The following ZBTB1 variants were observed in gnomAD, a reference collection of about 807,000 sequenced individuals.
ZBTB1 encodes zinc finger and BTB domain containing 1, also known as zinc finger and BTB domain-containing protein 1.
ZBTB1 carries 13 observed loss-of-function variants against 51.6 expected under a neutral mutation model. The observed-to-expected ratio is 0.25, with a 90% CI of 0.16 to 0.40. ZBTB1 has a LOEUF of 0.40. Ranked by LOEUF, ZBTB1 falls within the 10% of genes least tolerant of loss-of-function variation. ZBTB1 has a pLI of 1.00. For synonymous variants in ZBTB1, 240 were observed against 282.2 expected, an observed-to-expected ratio of 0.85 and a Z score of 1.50; for missense variants, 567 against 856.5, an observed-to-expected ratio of 0.66 and a Z score of 4.22.
exon 3 of ZBTB1, chr14:64,532,770 G>A (rs2079951722): frequency 1.3e-5 from 2 of 151,994 alleles, no homozygotes; most frequent in Admixed American, 1.3e-4. Flanking sequence ...TCAGTAAAAT[G>A]ATGGTTAACA....
chr14:64,522,901 A>G lies in ZBTB1; in HGVS notation c.1397A>G (p.His466Arg), dbSNP rs1254349836. 1 of 1,614,168 alleles carries G rather than the reference A, an allele frequency of 6.2e-7. No individual in the cohort carries two copies. Among genetic ancestry groups the G allele is most frequent in the African/African-American group, 1.3e-5 (1 of 75,052 alleles). ...GTAAAGGGTAGGCAGCTTCAGGAACATGCTCAACGATGTGGCGAGCCCCAA... is the reference window on the plus strand; with the variant it reads ...GTAAAGGGTAGGCAGCTTCAGGAACGTGCTCAACGATGTGGCGAGCCCCAA... ...ILVKGRQLQE[H>R]AQRCGEPQDL... Residue 466 changes from histidine to arginine, a missense_variant, in exon 2 of 2, where the codon CAT (histidine) becomes CGT (arginine). Physicochemically the swap from His to Arg is conservative, Grantham distance 29. This residue lies in a region of ZBTB1 where 329 missense variants were observed against 406.3 expected (regional missense o/e 0.81). Transcript: ENST00000683701.
chr14:64,514,788 T>C (rs1239373773), intron 1 of ZBTB1, among the ~76,000 whole-genome samples: 1 of 152,176 alleles, frequency 6.6e-6, no homozygotes, highest in African/African-American at 2.4e-5. Flanking sequence ...TAGTGTTCTT[T>C]CCGGAAGACC....
In ZBTB1 at chr14:64,504,901, C is replaced by T. The variant is rs916823118; in HGVS notation, c.-64C>T. 53 of 396,048 alleles carry T rather than the reference C, an allele frequency of 1.3e-4. No individual in the cohort carries two copies. Among genetic ancestry groups the T allele is most frequent in the African/African-American group, 9.5e-4 (46 of 48,468 alleles). 24.5% of individuals were successfully genotyped at this position (396,048 alleles called of 1,614,324 possible). ...CCCGCCTTTCCCGCGGCTGATTTGC[C>T]TTAAACTCCCTAAAATCTCCGCAGC... On this transcript the variant is annotated 5_prime_UTR_variant, in exon 1 of 2. Coordinates refer to ENST00000683701, the MANE Select transcript of ZBTB1 (RefSeq NM_001123329.2).
At chr14:64,507,047 A>G (rs1175928576) in intron 1 of ZBTB1, among the ~76,000 whole-genome samples, 2 of 152,204 alleles carry the variant, frequency 1.3e-5, no homozygotes, top group Admixed American at 6.5e-5. Flanking sequence ...GTGCAGGAGA[A>G]AAGAAGTACC....
At chr14:64,503,820 C>T (rs1454973855), upstream of ZBTB1, 1 of 159,310 alleles carries the variant, frequency 6.3e-6, no homozygotes, top group Non-Finnish European at 1.3e-5. Context: ...GACCGCGTGT[C>T]TGGTAGCAGG....
chr14:64,503,745 C>A (rs1486968027), upstream of ZBTB1: 4 of 342,506 alleles, frequency 1.2e-5, no homozygotes, highest in Admixed American at 1.3e-4. Flanking sequence ...GTGGCGCCGG[C>A]TCACGCACCC....
chr14:64,517,403 G>A (rs534365084), intron 1 of ZBTB1, among the ~76,000 whole-genome samples: 2 of 152,004 alleles, frequency 1.3e-5, no homozygotes, highest in Non-Finnish European at 2.9e-5. Flanking sequence ...TTTAATATGG[G>A]TACTCATTCT....
chr14:64,528,729 C>G (rs116320637), downstream of ZBTB1, among the ~76,000 whole-genome samples: 97 of 152,322 alleles, frequency 6.4e-4, 1 homozygote, highest in African/African-American at 2.0e-3. Context: ...TTAGCACTCT[C>G]TATACTCTGC....
At chr14:64,521,159 G>T (rs1244338162) in intron 1 of ZBTB1, among the ~76,000 whole-genome samples, 1 of 152,056 alleles carries the variant, frequency 6.6e-6, no homozygotes, top group Non-Finnish European at 1.5e-5. Flanking sequence ...CACTGCACTC[G>T]GCCTCCTTCA....
At chr14:64,515,607 G>T (rs1279052649) in intron 1 of ZBTB1, among the ~76,000 whole-genome samples, 4 of 149,024 alleles carry the variant, frequency 2.7e-5, no homozygotes, top group African/African-American at 9.9e-5. Flanking sequence ...TGTAAGCTCC[G>T]CCTCCCGAGT....
At chr14:64,507,685 G>A (rs1261608184) in intron 1 of ZBTB1, among the ~76,000 whole-genome samples, 1 of 152,084 alleles carries the variant, frequency 6.6e-6, no homozygotes, top group Non-Finnish European at 1.5e-5. Flanking sequence ...TTGATTAACT[G>A]GGCTGCTATT....
At chr14:64,510,127 C>T (rs1332095377) in intron 1 of ZBTB1, among the ~76,000 whole-genome samples, 2 of 152,146 alleles carry the variant, frequency 1.3e-5, no homozygotes, top group African/African-American at 2.4e-5. Context: ...CCAAAGTCCT[C>T]GCCTTAAAGT....
rs71123855 is a variant in ZBTB1 at position 64,518,904 on chromosome 14, G to GTATATATATATATATATATATATA, written c.-18-2574_-18-2551dup. ...AATGAAGAAAACTAGTTGCAGAGAGGTATATATATATATATATATATATAT... is the reference window on the plus strand; with the variant it reads ...AATGAAGAAAACTAGTTGCAGAGAGGTATATATATATATATATATATATATATATATATATATATATATATATAT... On this transcript the variant is annotated intron_variant, in intron 1 of 1. Transcript: ENST00000683701. Among the ~76,000 whole-genome samples the GTATATATATATATATATATATATA allele has an allele frequency of 1.1e-3, 101 of 95,092 alleles. 6 individuals are homozygous for GTATATATATATATATATATATATA. The highest frequency in any genetic ancestry group is 1.3e-3 in the Non-Finnish European group (64 of 50,302). The allele number at this position is 95,092 out of a possible 152,430, so 62.4% of individuals were successfully genotyped here.
At chr14:64,505,442 C>T (rs575570191) in intron 1 of ZBTB1, among the ~76,000 whole-genome samples, 185 of 152,248 alleles carry the variant, frequency 1.2e-3, no homozygotes, top group African/African-American at 4.3e-3. Context: ...TGTTTCCCAC[C>T]CCCTCTCGCC....
Position 64,523,493 on chromosome 14 carries a change from A to G in ZBTB1, c.1989A>G (p.Ile663Met), listed in dbSNP as rs1181736863. The G allele has an allele frequency of 1.9e-6, 3 of 1,612,206 alleles. No individual in the cohort carries two copies. The African/African-American group carries it at 4.0e-5, about 22-fold the overall frequency. Residue 663 changes from isoleucine to methionine, a missense_variant, in exon 2 of 2, where the codon ATA (isoleucine) becomes ATG (methionine). Transcript: ENST00000683701. This position sits in a 1 kb window ranked among gnomAD's most constrained non-coding sequence, Gnocchi z 4.5. ...MISHLSAGETICQVCFQIFPN... is the reference protein window; with the variant it reads ...MISHLSAGETMCQVCFQIFPN... ...CTCATTTATCTGCTGGTGAGACTAT[A>G]TGCCAGGTCTGCTTTCAGATATTCC... is the stretch of plus-strand genomic sequence containing the variant.
intron 1 of ZBTB1, chr14:64,518,584 C>A (rs550532237): frequency 6.6e-6 from 1 of 152,000 alleles, no homozygotes; most frequent in African/African-American, 2.4e-5. Flanking sequence ...AACGTAGATA[C>A]CCTTAATTAC....
chr14:64,509,535 T>A (rs2079701278), intron 1 of ZBTB1, among the ~76,000 whole-genome samples: 1 of 152,224 alleles, frequency 6.6e-6, no homozygotes, highest in South Asian at 2.1e-4. Flanking sequence ...TTTCTTAGAA[T>A]GAACATGCAT....
In ZBTB1 at chr14:64,524,288, T is replaced by G; in HGVS notation, c.*642T>G. The stretch of plus-strand genomic sequence containing the variant: ...ATTTCCTATAATTGATAAAATATTA[T>G]CATTTAATTATCACATTTAAAACTT... On this transcript the variant is annotated 3_prime_UTR_variant, in exon 2 of 2. Transcript: ENST00000683701. 1 of 946,154 alleles carries G rather than the reference T, an allele frequency of 1.1e-6. No individual in the cohort carries two copies. The highest frequency in any genetic ancestry group is 1.9e-5 in the African/African-American group (1 of 53,616). The allele number at this position is 946,154 out of a possible 1,614,324, so 58.6% of individuals were successfully genotyped here. A position where few individuals can be genotyped will look rare whatever the true frequency, so the allele number is the denominator to read the frequency against.
rs892152546 is a variant in ZBTB1 at position 64,524,841 on chromosome 14, A to G, written c.*1195A>G. 3.0e-6 allele frequency: 3 copies of G among 984,368 alleles called. No homozygotes were observed. In the African/African-American group the frequency reaches 5.2e-5, roughly 17 times the overall value. The allele number at this position is 984,368 out of a possible 1,614,324, so 61.0% of individuals were successfully genotyped here. A position where few individuals can be genotyped will look rare whatever the true frequency, so the allele number is the denominator to read the frequency against. On this transcript the variant is annotated 3_prime_UTR_variant, in exon 2 of 2. Coordinates refer to ENST00000683701, the MANE Select transcript of ZBTB1 (RefSeq NM_001123329.2). ...AATGGAAACAGTTTATCATTTTTTC[A>G]GTTAAAGTAGTAGTATTGTTAGTTG...
Sources: allele counts gnomAD v4.1 joint callset (sites outside exome capture counted in the v4.1 genomes callset), GRCh38; gene constraint gnomAD v4.1.1; regional missense constraint gnomAD v4.1.1; non-coding constraint Gnocchi (gnomAD v3.1); transcripts MANE v1.5; gene names NCBI Gene and HGNC (gene_info 2026-07-23, HGNC 2026-07-21).